The following SNTG1 variants were observed in gnomAD, a reference collection of about 807,000 sequenced individuals.
SNTG1 encodes the protein syntrophin gamma 1.
SNTG1 carries 39 observed loss-of-function variants against 74.7 expected under a neutral mutation model. The ratio of observed to expected loss-of-function variants is 0.52; its 90% CI spans 0.40 to 0.68. SNTG1 has a LOEUF of 0.68. SNTG1 is among the 30% of genes least tolerant of loss of function. The pLI, the probability that SNTG1 is intolerant of heterozygous loss-of-function variation, is 0.00. For synonymous variants in SNTG1, 254 were observed against 217.1 expected (o/e 1.17, Z -1.49); for missense variants, 685 against 609.5 (o/e 1.12, Z -1.30).
At chr8:50,657,746 A>G (rs145976108) in intron 14 of SNTG1, among the ~76,000 whole-genome samples, 2 of 152,118 alleles carry the variant, frequency 1.3e-5, no homozygotes, top group African/African-American at 4.8e-5. Context: ...AGGTCTCTCT[A>G]TATAAAATCA....
chr8:50,662,422 G>A (rs2095228833), intron 15 of SNTG1, among the ~76,000 whole-genome samples: 1 of 152,160 alleles, frequency 6.6e-6, no homozygotes, highest in Admixed American at 6.6e-5. Flanking sequence ...TGTCCTAAGT[G>A]CTTAGTATAT....
At chr8:50,006,048 C>T (rs942973035) in intron 1 of SNTG1, among the ~76,000 whole-genome samples, 4 of 148,300 alleles carry the variant, frequency 2.7e-5, no homozygotes, top group Admixed American at 6.7e-5. Context: ...CTGCAACCTC[C>T]GACTCCTGGG....
chr8:50,744,049 G>A (rs1038556120), intron 17 of SNTG1, among the ~76,000 whole-genome samples: 3 of 151,894 alleles, frequency 2.0e-5, no homozygotes, highest in East Asian at 1.9e-4. Context: ...ATTGCCAAGG[G>A]GATGGCCCAA....
At chr8:49,931,051 T>G (rs1252498971) in intron 1 of SNTG1, among the ~76,000 whole-genome samples, 4 of 152,122 alleles carry the variant, frequency 2.6e-5, no homozygotes, top group Non-Finnish European at 5.9e-5. Context: ...ACTTTGCAAT[T>G]CCCCAAAGAG....
intron 1 of SNTG1, among the ~76,000 whole-genome samples, chr8:49,926,011 C>A (rs962326356): frequency 6.6e-6 from 1 of 152,158 alleles, no homozygotes; most frequent in Admixed American, 6.5e-5. Context: ...AGACCAGGTA[C>A]TAGAGAATGA....
chr8:50,075,980 G>C (rs1219998334), intron 1 of SNTG1, among the ~76,000 whole-genome samples: 1 of 152,182 alleles, frequency 6.6e-6, no homozygotes, highest in Admixed American at 6.5e-5. Flanking sequence ...CATTCTTGAA[G>C]TCAGTGAGAC....
intron 4 of SNTG1, among the ~76,000 whole-genome samples, chr8:50,413,664 C>T (rs1381426981): frequency 6.6e-6 from 1 of 152,192 alleles, no homozygotes; most frequent in Admixed American, 6.5e-5. Context: ...AGAGCCTCCT[C>T]TCTATTATCT....
chr8:50,495,429 G>A (rs1244368973), intron 8 of SNTG1, among the ~76,000 whole-genome samples: 1 of 151,002 alleles, frequency 6.6e-6, no homozygotes, highest in Non-Finnish European at 1.5e-5. Context: ...CAGCAACCAA[G>A]ATGAGAGCTG....
rs2095458900 is a variant in SNTG1, at chr8:50,710,623, C to G, written c.1284+1645C>G. Among the ~76,000 whole-genome samples the G allele has an allele frequency of 2.0e-5, 3 of 152,148 alleles. No individual in the cohort carries two copies. The South Asian group carries it at 6.2e-4, about 32-fold the overall frequency. On this transcript the variant is annotated intron_variant, in intron 17 of 18. Transcript: ENST00000642720. The stretch of plus-strand genomic sequence containing the variant: ...ATATTTCTGAGTATGCGAATCTATT[C>G]TGAGTTTATTTTAAAGCTAGCATAA...
chr8:49,983,431 T>G (rs1381192457), intron 1 of SNTG1, among the ~76,000 whole-genome samples: 2 of 152,232 alleles, frequency 1.3e-5, no homozygotes, highest in African/African-American at 4.8e-5. Context: ...AATTCAGTCT[T>G]TAAACATAAA....
intron 2 of SNTG1, among the ~76,000 whole-genome samples, chr8:50,184,967 G>T (rs2083329132): frequency 6.6e-6 from 1 of 152,058 alleles, no homozygotes; most frequent in Admixed American, 6.6e-5. Flanking sequence ...ACAAAACAAA[G>T]AAAAATTTGA....
intron 17 of SNTG1, among the ~76,000 whole-genome samples, chr8:50,739,735 G>A (rs1240378355): frequency 6.6e-6 from 1 of 151,834 alleles, no homozygotes; most frequent in Non-Finnish European, 1.5e-5. Flanking sequence ...TTTAAACAGG[G>A]CTATAGTAAC....
intron 1 of SNTG1, among the ~76,000 whole-genome samples, chr8:49,925,075 C>T (rs922206476): frequency 7.9e-5 from 12 of 151,890 alleles, no homozygotes; most frequent in Admixed American, 2.6e-4. Context: ...ATTGCTTGAG[C>T]CCAGGAGTTC....
At chr8:50,126,733 G>T (rs1221061632) in intron 1 of SNTG1, among the ~76,000 whole-genome samples, 1 of 152,052 alleles carries the variant, frequency 6.6e-6, no homozygotes, top group Non-Finnish European at 1.5e-5. Context: ...ATTACCAGTG[G>T]AGAAACTTCT....
chr8:50,389,048 C>T (rs1454100501), intron 2 of SNTG1, among the ~76,000 whole-genome samples: 2 of 152,110 alleles, frequency 1.3e-5, no homozygotes, highest in Admixed American at 6.6e-5. Context: ...GCCAACAGGG[C>T]AGCAGCTTCT....
chr8:50,167,204 A>T (rs2131627573), intron 1 of SNTG1, among the ~76,000 whole-genome samples: 1 of 148,690 alleles, frequency 6.7e-6, no homozygotes, highest in African/African-American at 2.5e-5. Flanking sequence ...GCACACCAGC[A>T]TGGCACATGT....
intron 18 of SNTG1, among the ~76,000 whole-genome samples, chr8:50,777,234 T>TAA (rs945772465): frequency 3.4e-5 from 5 of 147,126 alleles, no homozygotes; most frequent in Admixed American, 2.1e-4. Flanking sequence ...TATATATATA[T>TAA]AATAATATAA....
chr8:50,706,092 G>T (rs983552621), intron 16 of SNTG1, among the ~76,000 whole-genome samples: 4 of 152,136 alleles, frequency 2.6e-5, no homozygotes, highest in African/African-American at 4.8e-5. Flanking sequence ...ACATCAAGTT[G>T]TACCAGTATG....
intron 3 of SNTG1, among the ~76,000 whole-genome samples, chr8:50,394,871 T>G (rs1352466016): frequency 1.3e-5 from 2 of 151,128 alleles, no homozygotes; most frequent in East Asian, 3.9e-4. Context: ...TTACTAAATA[T>G]GTAACATTCA....
Sources: gnomAD v4.1 joint callset for allele counts (sites outside exome capture counted in the v4.1 genomes callset) on GRCh38, gnomAD v4.1.1 for gene constraint, MANE v1.5 for transcripts, NCBI Gene and HGNC (gene_info 2026-07-23, HGNC 2026-07-21) for gene names.